TMCC1: variants seen among roughly 807,000 people sequenced by gnomAD.
TMCC1 encodes the protein transmembrane and coiled-coil domain family 1, also known as transmembrane and coiled-coil domains protein 1.
TMCC1 carries 15 observed loss-of-function variants against 52.4 expected under a neutral mutation model. The ratio of observed to expected loss-of-function variants is 0.29; its 90% CI spans 0.19 to 0.44. The LOEUF is 0.44. Among genes scored for constraint, TMCC1 ranks in the 20% least tolerant of loss-of-function variants. The pLI is 1.00. For synonymous variants in TMCC1, 279 were observed against 301.9 expected, an observed-to-expected ratio of 0.92 and a Z score of 0.79; for missense variants, 503 against 806.0, an observed-to-expected ratio of 0.62 and a Z score of 4.55.
chr3:129,848,384 G>GT (rs1456046832), intron 2 of TMCC1: 1 of 152,154 alleles, frequency 6.6e-6, no homozygotes, highest in Non-Finnish European at 1.5e-5. Flanking sequence ...CTTTGTGTGC[G>GT]TATGAATCTC....
intron 2 of TMCC1, among the ~76,000 whole-genome samples, chr3:129,867,409 T>A (rs1246878226): frequency 6.6e-6 from 1 of 152,230 alleles, no homozygotes; most frequent in Non-Finnish European, 1.5e-5. Flanking sequence ...CTTCCTTCTT[T>A]ATATTTCCAT....
rs140529973 is a variant in TMCC1, at chr3:129,846,831, C to T, written c.-183-14005G>A. 5.9e-4 allele frequency among the ~76,000 whole-genome samples: 77 copies of T among 129,834 alleles called. No homozygotes were observed. The East Asian group carries it at 0.016, about 28-fold the overall frequency. The allele number at this position is 129,834 out of a possible 152,430, so 85.2% of individuals were successfully genotyped here. A position where few individuals can be genotyped will look rare whatever the true frequency, so the allele number is the denominator to read the frequency against. ...ATCACTTGAGCCCAGAAGTTCAAGA[C>T]CAGTCTGTGCAACATAGCAAGACCT... On this transcript the variant is annotated intron_variant, in intron 2 of 6. Coordinates refer to ENST00000393238, the MANE Select transcript of TMCC1 (RefSeq NM_001017395.5).
At chr3:129,794,139 C>T (rs2056655813) in intron 4 of TMCC1, among the ~76,000 whole-genome samples, 1 of 152,180 alleles carries the variant, frequency 6.6e-6, no homozygotes, top group Non-Finnish European at 1.5e-5. Flanking sequence ...TCTGGGGCTG[C>T]CAGTGCAGTC....
At chr3:129,826,667 G>A (rs1382967620) in intron 4 of TMCC1, among the ~76,000 whole-genome samples, 1 of 151,550 alleles carries the variant, frequency 6.6e-6, no homozygotes, top group East Asian at 1.9e-4. Context: ...AAGGTTTAAA[G>A]TTCTAGACTC....
At chr3:129,862,840 AAC>A (rs1438463254) in intron 2 of TMCC1, among the ~76,000 whole-genome samples, 2 of 152,242 alleles carry the variant, frequency 1.3e-5, no homozygotes, top group Non-Finnish European at 1.5e-5. Flanking sequence ...GCTGGTAAAC[AAC>A]AGTGTCACTT....
chr3:129,871,685 TTAC>T (rs2060937658), intron 2 of TMCC1, among the ~76,000 whole-genome samples: 1 of 152,100 alleles, frequency 6.6e-6, no homozygotes, highest in Admixed American at 6.5e-5. Flanking sequence ...GCTAATTCCA[TTAC>T]ATAAACGGCT....
At chr3:129,814,125 T>A (rs1328428289) in intron 4 of TMCC1, among the ~76,000 whole-genome samples, 1 of 152,068 alleles carries the variant, frequency 6.6e-6, no homozygotes, top group African/African-American at 2.4e-5. Context: ...TCAGAAACCA[T>A]GAAATTTCTA....
intron 2 of TMCC1, among the ~76,000 whole-genome samples, chr3:129,855,085 T>C (rs6791959): frequency 0.097 from 14,779 of 152,232 alleles, 845 homozygotes; most frequent in Middle Eastern, 0.16. Context: ...CCTATCACCA[T>C]GATCTTCACT....
At chr3:129,710,078 C>A (rs906400631) in intron 4 of TMCC1, among the ~76,000 whole-genome samples, 2 of 151,916 alleles carry the variant, frequency 1.3e-5, no homozygotes, top group Non-Finnish European at 2.9e-5. Flanking sequence ...CCCAGCTACT[C>A]GGGAGGCTGA....
intron 4 of TMCC1, among the ~76,000 whole-genome samples, chr3:129,827,440 C>A (rs1036642524): frequency 2.6e-5 from 4 of 152,168 alleles, no homozygotes; most frequent in Admixed American, 2.0e-4. Flanking sequence ...TCACTACATT[C>A]ATTAATGTAA....
chr3:129,866,156 G>A (rs1459038519), intron 2 of TMCC1, among the ~76,000 whole-genome samples: 1 of 151,210 alleles, frequency 6.6e-6, no homozygotes, highest in African/African-American at 2.4e-5. Flanking sequence ...TTACGATTAT[G>A]AAATAAATAC....
At chr3:129,860,479 T>C (rs1005146073) in intron 2 of TMCC1, among the ~76,000 whole-genome samples, 2 of 152,348 alleles carry the variant, frequency 1.3e-5, no homozygotes, top group Non-Finnish European at 1.5e-5. Flanking sequence ...TATGTGTATA[T>C]GTTTGCACCT....
chr3:129,840,953 AACAG>A (rs1373442664), intron 2 of TMCC1, among the ~76,000 whole-genome samples: 1 of 152,206 alleles, frequency 6.6e-6, no homozygotes, highest in Non-Finnish European at 1.5e-5. Context: ...GGAACTGGGT[AACAG>A]ACAGAGGCTG....
Position 129,828,355 on chromosome 3 carries a change from CTG to C in TMCC1, c.22_23del (p.Gln8ValfsTer3), listed in dbSNP as rs766514773. ...CTCCAGGATCAGGGTCCTCAAATAA[CTG>C]TTCACTGCCCGAAGGCTCCATCAGT... is the stretch of plus-strand genomic sequence containing the variant. MEPSGSE[Q>X]LFEDPDPGGK... On this transcript the variant is annotated frameshift_variant, in exon 4 of 7. Coordinates refer to ENST00000393238, the MANE Select transcript of TMCC1 (RefSeq NM_001017395.5). LOFTEE classifies it high-confidence loss of function. This position sits in a 1 kb window ranked among gnomAD's most constrained non-coding sequence, Gnocchi z 4.1. 6.2e-7 allele frequency: 1 copy of C among 1,613,952 alleles called. No homozygotes were observed.
intron 4 of TMCC1, among the ~76,000 whole-genome samples, chr3:129,738,750 T>C (rs959662831): frequency 2.6e-5 from 4 of 152,244 alleles, no homozygotes; most frequent in African/African-American, 4.8e-5. Context: ...GAATAGAATT[T>C]ATCTCCACTT....
At chr3:129,752,837 TC>T (rs1340035350) in intron 4 of TMCC1, among the ~76,000 whole-genome samples, 6 of 152,134 alleles carry the variant, frequency 3.9e-5, no homozygotes, top group African/African-American at 1.4e-4. Flanking sequence ...TTAAATTGAC[TC>T]ACAGTTCTGC....
chr3:129,760,401 AGTGTGTGTGTGTGTGTGT>A (rs200322394), intron 4 of TMCC1, among the ~76,000 whole-genome samples: 2 of 137,874 alleles, frequency 1.5e-5, no homozygotes, highest in African/African-American at 2.7e-5. Context: ...ACGCCAGGCT[AGTGTGTGTGTGTGTGTGT>A]GTGTGTGTGT....
intron 6 of TMCC1, among the ~76,000 whole-genome samples, chr3:129,652,585 A>G (rs1576319265): frequency 1.3e-5 from 2 of 152,286 alleles, no homozygotes; most frequent in South Asian, 4.1e-4. Flanking sequence ...CACCCTATAA[A>G]CCATAAAATC....
intron 1 of TMCC1, among the ~76,000 whole-genome samples, chr3:129,884,975 CA>C (rs941036232): frequency 2.0e-5 from 3 of 151,720 alleles, no homozygotes; most frequent in Non-Finnish European, 4.4e-5. Context: ...CTCATCTCTA[CA>C]AAAAATGCAA....
Sources: gnomAD v4.1 joint callset for allele counts (sites outside exome capture counted in the v4.1 genomes callset) on GRCh38, gnomAD v4.1.1 for gene constraint, Gnocchi (gnomAD v3.1) non-coding constraint, MANE v1.5 for transcripts, NCBI Gene and HGNC (gene_info 2026-07-23, HGNC 2026-07-21) for gene names.